The following ELP4 variants were observed in gnomAD, a reference collection of about 807,000 sequenced individuals.
The protein encoded by ELP4 is elongator acetyltransferase complex subunit 4, also known as elongator complex protein 4.
Under a neutral mutation model 48.9 loss-of-function variants are expected in ELP4, and 51 were observed. The ratio of observed to expected loss-of-function variants is 1.04; its 90% CI spans 0.83 to 1.32. The LOEUF (loss-of-function observed/expected upper bound fraction) is 1.32, where lower values mean the gene tolerates loss of function less well. Ranked by LOEUF, ELP4 falls within the 40% of genes most tolerant of loss-of-function variation. The pLI is 0.00. For missense variants in ELP4, 519 were observed against 514.6 expected, an observed-to-expected ratio of 1.01 and a Z score of -0.08; for synonymous variants, 210 against 189.2, an observed-to-expected ratio of 1.11 and a Z score of -0.90.
chr11:31,770,066 G>C (rs1015072341), intron 9 of ELP4, among the ~76,000 whole-genome samples: 2 of 152,112 alleles, frequency 1.3e-5, no homozygotes, highest in African/African-American at 2.4e-5. Flanking sequence ...TTCTCTTCTA[G>C]TTACGGCAAT....
intron 9 of ELP4, among the ~76,000 whole-genome samples, chr11:31,764,038 T>C (rs569745881): frequency 2.0e-5 from 3 of 152,166 alleles, no homozygotes; most frequent in Non-Finnish European, 4.4e-5. Context: ...TATTTTCTTA[T>C]ATCTCTTTCA....
At chr11:31,610,234 G>C (rs1052517566) in intron 5 of ELP4, among the ~76,000 whole-genome samples, 1 of 152,200 alleles carries the variant, frequency 6.6e-6, no homozygotes, top group Non-Finnish European at 1.5e-5. Context: ...GAGAGATTCT[G>C]CCTATCTGTT....
chr11:31,716,863 C>T (rs1464044311), intron 9 of ELP4, among the ~76,000 whole-genome samples: 1 of 152,000 alleles, frequency 6.6e-6, no homozygotes, highest in Non-Finnish European at 1.5e-5. Context: ...AAATTGATGC[C>T]AAGTGCAGTA....
At chr11:31,721,791 A>G (rs1352400001) in intron 9 of ELP4, among the ~76,000 whole-genome samples, 2 of 152,254 alleles carry the variant, frequency 1.3e-5, no homozygotes, top group Non-Finnish European at 2.9e-5. Context: ...AAAAATGTGT[A>G]CAATTCATAG....
chr11:31,691,693 T>C (rs1410404669), intron 9 of ELP4, among the ~76,000 whole-genome samples: 1 of 152,162 alleles, frequency 6.6e-6, no homozygotes, highest in Non-Finnish European at 1.5e-5. Flanking sequence ...CTAAAGGACA[T>C]AGTTTATGAC....
At chr11:31,739,974 C>T (rs543343060) in intron 9 of ELP4, among the ~76,000 whole-genome samples, 2 of 152,336 alleles carry the variant, frequency 1.3e-5, no homozygotes, top group African/African-American at 4.8e-5. Context: ...ATTTTTTTCT[C>T]TCTAAATTCA....
At chr11:31,623,390 T>TATATATATATATATATATATAAAA (rs67986763) in intron 5 of ELP4, among the ~76,000 whole-genome samples, 13 of 92,608 alleles carry the variant, frequency 1.4e-4, no homozygotes, top group African/African-American at 4.3e-4. Context: ...TATATATATA[T>TATATATATATATATATATATAAAA]AAAACTAGAA....
chr11:31,767,633 A>C (rs761109626), intron 9 of ELP4: 3 of 152,058 alleles, frequency 2.0e-5, no homozygotes, highest in Non-Finnish European at 1.5e-5. Flanking sequence ...CTATATACTC[A>C]CAAATACTTT....
intron 9 of ELP4, among the ~76,000 whole-genome samples, chr11:31,753,395 A>G (rs951529406): frequency 6.6e-6 from 1 of 152,212 alleles, no homozygotes; most frequent in Admixed American, 6.5e-5. Context: ...TGATATTGCT[A>G]TTCCCTCTGC....
At chr11:31,623,378 T>C in intron 5 of ELP4, among the ~76,000 whole-genome samples, 1 of 63,374 alleles carries the variant, frequency 1.6e-5, no homozygotes. Context: ...TATATATATA[T>C]ATATATATAT....
At chr11:31,756,378 G>A (rs1175325863) in intron 9 of ELP4, among the ~76,000 whole-genome samples, 2 of 151,976 alleles carry the variant, frequency 1.3e-5, no homozygotes, top group African/African-American at 4.8e-5. Flanking sequence ...ACTATTTCTG[G>A]CACAAACCAT....
rs1955947891 is a variant in ELP4, at chr11:31,509,867, GT to G, written c.86del (p.Phe29SerfsTer10). On this transcript the variant is annotated frameshift_variant, in exon 1 of 10. Transcript: ENST00000640961. LOFTEE classifies it high-confidence loss of function. ...ACAGCCAGCAAGAGCAACGTCACCAGTTTCCAGAGGAGGGGTCCTAGAGCCA... is the reference window on the plus strand; with the variant it reads ...ACAGCCAGCAAGAGCAACGTCACCAGTTCCAGAGGAGGGGTCCTAGAGCCA... The part of the protein sequence containing the change: ...VATASKSNVT[S>X]FQRRGPRASV... 1 of 1,614,076 alleles carries G rather than the reference GT, an allele frequency of 6.2e-7. No individual in the cohort carries two copies. The highest frequency in any genetic ancestry group is 8.5e-7 in the Non-Finnish European group (1 of 1,180,048).
At position 31,618,342 on chromosome 11, in the gene ELP4, A is replaced by T. The variant is rs182187341; in HGVS notation, c.654-8768A>T. 2.2e-3 allele frequency among the ~76,000 whole-genome samples: 342 copies of T among 152,056 alleles called. 1 individual carries two copies. The highest frequency in any genetic ancestry group is 3.9e-3 in the Non-Finnish European group (266 of 67,958). On this transcript the variant is annotated intron_variant, in intron 5 of 9. Coordinates refer to ENST00000640961, the MANE Select transcript of ELP4 (RefSeq NM_019040.5). ...GAAAGCCCAAGGTCAAGTTGCCAGCATGTTTGGTGTCGGTTAAGGACCGAG... is the reference window on the plus strand; with the variant it reads ...GAAAGCCCAAGGTCAAGTTGCCAGCTTGTTTGGTGTCGGTTAAGGACCGAG...
chr11:31,733,285 G>A (rs932556862), intron 9 of ELP4, among the ~76,000 whole-genome samples: 1 of 152,008 alleles, frequency 6.6e-6, no homozygotes, highest in Non-Finnish European at 1.5e-5. Context: ...AGACCAGCCT[G>A]GCCAACATGG....
At chr11:31,612,073 G>A (rs932083191) in intron 5 of ELP4, among the ~76,000 whole-genome samples, 13 of 152,166 alleles carry the variant, frequency 8.5e-5, no homozygotes, top group African/African-American at 3.1e-4. Flanking sequence ...CTGAAATAGT[G>A]TGAGCGATGG....
chr11:31,738,225 T>C (rs1287121849), intron 9 of ELP4, among the ~76,000 whole-genome samples: 9 of 104,778 alleles, frequency 8.6e-5, no homozygotes, highest in African/African-American at 2.7e-4. Context: ...CAAAACCCCA[T>C]CTCTACCAAA....
intron 9 of ELP4, chr11:31,681,739 T>C (rs1350206434): frequency 6.3e-6 from 1 of 158,118 alleles, no homozygotes; most frequent in African/African-American, 2.8e-5. Flanking sequence ...TATATTTCTT[T>C]CCTTTTTTTT....
At chr11:31,668,236 A>G (rs1256426887) in intron 9 of ELP4, among the ~76,000 whole-genome samples, 1 of 152,124 alleles carries the variant, frequency 6.6e-6, no homozygotes, top group Non-Finnish European at 1.5e-5. Context: ...TCTTTTCAAC[A>G]CTTTTTAATA....
At chr11:31,579,301 A>T (rs985473799) in intron 3 of ELP4, among the ~76,000 whole-genome samples, 2 of 152,228 alleles carry the variant, frequency 1.3e-5, no homozygotes, top group African/African-American at 4.8e-5. Context: ...GCTGGAGAGG[A>T]TGTGGAGACA....
Sources: allele counts gnomAD v4.1 joint callset (sites outside exome capture counted in the v4.1 genomes callset), GRCh38; gene constraint gnomAD v4.1.1; transcripts MANE v1.5; gene names NCBI Gene and HGNC (gene_info 2026-07-23, HGNC 2026-07-21).